The following MYH7B variants were observed in gnomAD, a reference collection of about 807,000 sequenced individuals.
MYH7B encodes myosin-7B.
Under a neutral mutation model 234.5 loss-of-function variants are expected in MYH7B, and 205 were observed. The ratio of observed to expected loss-of-function variants is 0.87; its 90% CI spans 0.78 to 0.98. The LOEUF (loss-of-function observed/expected upper bound fraction) is 0.98. Ranked by LOEUF, MYH7B falls within the 50% of genes least tolerant of loss-of-function variation. The pLI is 0.00. For synonymous variants in MYH7B, 1,193 were observed against 1,105.0 expected, an observed-to-expected ratio of 1.08 and a Z score of -1.58; for missense variants, 2,652 against 2,633.4, an observed-to-expected ratio of 1.01 and a Z score of -0.15.
At position 34,982,451 on chromosome 20, in the gene MYH7B, C is replaced by A. The variant is rs774854153; in HGVS notation, c.528-8C>A. ...GGGCATTGGTGACTCATGTTTGTGT[C>A]GTCCAAGCGGAGAGTCGGGGGCCGG... is the stretch of plus-strand genomic sequence containing the variant. On this transcript the variant is annotated splice_polypyrimidine_tract_variant and splice_region_variant and intron_variant, in intron 9 of 44. Transcript: ENST00000262873. 2.5e-6 allele frequency: 4 copies of A among 1,613,420 alleles called. No individual in the cohort carries two copies. The East Asian group carries it at 8.9e-5, about 36-fold the overall frequency.
At chr20:34,965,420 G>A (rs910250782) in intron 2 of MYH7B, among the ~76,000 whole-genome samples, 18 of 152,254 alleles carry the variant, frequency 1.2e-4, no homozygotes, top group African/African-American at 4.1e-4. Flanking sequence ...AGGGAGCAGA[G>A]CGAGAGGCCG....
At chr20:34,998,523 G>C in exon 34 of MYH7B, 1 of 1,613,566 alleles carries the variant, frequency 6.2e-7, no homozygotes, top group Non-Finnish European at 8.5e-7. Context: ...GAGCTGAGTC[G>C]CCTGCTAGAG....
intron 2 of MYH7B, among the ~76,000 whole-genome samples, chr20:34,973,925 ATTTT>A (rs34442200): frequency 8.2e-6 from 1 of 121,430 alleles, no homozygotes; most frequent in Non-Finnish European, 1.7e-5. Flanking sequence ...TGCCTGGCTA[ATTTT>A]TTTTTTTTTT....
In MYH7B at chr20:34,979,812, C is replaced by T; in HGVS notation, c.342+8C>T. The T allele has an allele frequency of 6.2e-7, 1 of 1,612,192 alleles. No individual in the cohort carries two copies. On this transcript the variant is annotated splice_region_variant and intron_variant, in intron 7 of 44. Transcript: ENST00000262873. Reference sequence around the variant, plus strand: ...GCCCGCTGGATGATCTATGTGAGCCCCAGGCCCGGGCCATGGGCGGGGTGG... The same window carrying T: ...GCCCGCTGGATGATCTATGTGAGCCTCAGGCCCGGGCCATGGGCGGGGTGG...
At chr20:34,997,755 CTCT>C in intron 32 of MYH7B, 115 bp downstream of exon 32, 1 of 1,272,328 alleles carries the variant, frequency 7.9e-7, no homozygotes, top group Non-Finnish European at 1.1e-6. Flanking sequence ...GAGCCCTGAC[CTCT>C]TCACCTGGTA....
At chr20:35,001,619 T>A in intron 43 of MYH7B, 93 bp downstream of exon 43, 2 of 1,142,712 alleles carry the variant, frequency 1.8e-6, no homozygotes, top group Non-Finnish European at 1.3e-6. Flanking sequence ...AGCTCCACCC[T>A]CCAAGGTCAG....
chr20:34,997,619 G>A, exon 32 of MYH7B: 1 of 1,613,550 alleles, frequency 6.2e-7, no homozygotes, highest in Non-Finnish European at 8.5e-7. Flanking sequence ...CTGCCAACGT[G>A]GAGACTCTGA....
chr20:34,993,355 C>T, exon 26 of MYH7B: 1 of 1,614,058 alleles, frequency 6.2e-7, no homozygotes, highest in Non-Finnish European at 8.5e-7. Flanking sequence ...GGCTGGGCTT[C>T]TAGGCGTCCT....
exon 28 of MYH7B, chr20:34,995,366 C>A (rs202189096): frequency 6.2e-7 from 1 of 1,613,654 alleles, no homozygotes; most frequent in Non-Finnish European, 8.5e-7. Context: ...TGCCGAGGAG[C>A]GCTGCCACTT....
intron 2 of MYH7B, among the ~76,000 whole-genome samples, chr20:34,964,492 T>C (rs2081725317): frequency 6.6e-6 from 1 of 152,120 alleles, no homozygotes; most frequent in Admixed American, 6.5e-5. Context: ...ACTCTAGATG[T>C]GGGAGAGGAC....
chr20:34,970,465 G>A (rs2081782558), intron 2 of MYH7B, among the ~76,000 whole-genome samples: 1 of 152,216 alleles, frequency 6.6e-6, no homozygotes, highest in Admixed American at 6.5e-5. Context: ...TGGGAACATA[G>A]GGGCCCAAAC....
chr20:34,980,803 A>G, intron 8 of MYH7B, 69 bp downstream of exon 8: 1 of 1,581,588 alleles, frequency 6.3e-7, no homozygotes, highest in Non-Finnish European at 8.6e-7. Flanking sequence ...TCTGTAAGGG[A>G]CCCCCTTCCC....
chr20:34,960,231 G>GT (rs1427863028), intron 2 of MYH7B, among the ~76,000 whole-genome samples: 54 of 151,878 alleles, frequency 3.6e-4, no homozygotes, highest in African/African-American at 1.2e-3. Flanking sequence ...TGGACTGTGG[G>GT]TTTTTTTTGT....
rs749177347 is a variant in MYH7B at position 34,977,731 on chromosome 20, C to T, written c.-73+51C>T. 17 of 147,208 alleles carry T rather than the reference C, an allele frequency of 1.2e-4. No homozygotes were observed. In the East Asian group the frequency reaches 1.8e-3, roughly 15 times the overall value. 9.1% of individuals were successfully genotyped at this position (147,208 alleles called of 1,614,324 possible). Reference sequence around the variant, plus strand: ...GCCGAAGGGAGGGCAGGAGGGTGGGCGGGTGGGTGAGGGTGCCCATGGGTG... The same window carrying T: ...GCCGAAGGGAGGGCAGGAGGGTGGGTGGGTGGGTGAGGGTGCCCATGGGTG... On this transcript the variant is annotated intron_variant, in intron 4 of 44. Coordinates refer to ENST00000262873, the Ensembl canonical transcript of MYH7B.
intron 2 of MYH7B, among the ~76,000 whole-genome samples, chr20:34,969,596 G>T (rs1342119630): frequency 6.8e-6 from 1 of 146,140 alleles, no homozygotes; most frequent in African/African-American, 2.5e-5. Flanking sequence ...CCAGGCTGGA[G>T]TGCAGTGGCA....
Position 34,996,525 on chromosome 20 carries a change from G to A in MYH7B, c.3120+3G>A, listed in dbSNP as rs1212048831. The A allele has an allele frequency of 1.2e-6, 2 of 1,609,670 alleles. No individual in the cohort carries two copies. Among genetic ancestry groups the A allele is most frequent in the South Asian group, 1.1e-5 (1 of 90,890 alleles). Reference sequence around the variant, plus strand: ...GGCTGGAGCAACAGGTGGAGGACGTGAGTCAGGGCCACCCCGAGACTGGGT... The same window carrying A: ...GGCTGGAGCAACAGGTGGAGGACGTAAGTCAGGGCCACCCCGAGACTGGGT... On this transcript the variant is annotated splice_donor_region_variant and intron_variant, in intron 29 of 44. Coordinates refer to ENST00000262873, the Ensembl canonical transcript of MYH7B.
chr20:34,964,521 A>G (rs73905018), intron 2 of MYH7B, among the ~76,000 whole-genome samples: 7,031 of 152,284 alleles, frequency 0.046, 549 homozygotes, highest in African/African-American at 0.16. Flanking sequence ...CCTTGAAACT[A>G]GTGATGGGAG....
intron 2 of MYH7B, among the ~76,000 whole-genome samples, chr20:34,968,529 C>T (rs2081763510): frequency 6.6e-6 from 1 of 152,234 alleles, no homozygotes; most frequent in Admixed American, 6.5e-5. Context: ...CCAGGCTGGC[C>T]TCCCAGGCCC....
At chr20:34,979,867 A>C in intron 7 of MYH7B, 63 bp downstream of exon 7, 3 of 1,408,676 alleles carry the variant, frequency 2.1e-6, no homozygotes, top group Non-Finnish European at 1.9e-6. Context: ...GCTAGAGATG[A>C]GGTGCTGGGG....
Sources: gnomAD v4.1 joint callset for allele counts (sites outside exome capture counted in the v4.1 genomes callset) on GRCh38, gnomAD v4.1.1 for gene constraint, MANE v1.5 for transcripts, NCBI Gene and HGNC (gene_info 2026-07-23, HGNC 2026-07-21) for gene names.